The following APBA2 variants were observed in gnomAD, a reference collection of about 807,000 sequenced individuals.
The protein encoded by APBA2 is amyloid beta precursor protein binding family A member 2, also known as amyloid-beta A4 precursor protein-binding family A member 2.
A neutral mutation model predicts 75.0 loss-of-function variants in APBA2; 30 were observed. That is an observed-to-expected ratio of 0.40 (90% CI 0.30 to 0.54). The LOEUF (loss-of-function observed/expected upper bound fraction) is 0.54, where lower values mean the gene tolerates loss of function less well. Ranked by LOEUF, APBA2 falls within the 20% of genes least tolerant of loss-of-function variation. The pLI, the probability that APBA2 is intolerant of heterozygous loss-of-function variation, is 0.49. For missense variants in APBA2, 801 were observed against 1,016.1 expected, an observed-to-expected ratio of 0.79 and a Z score of 2.88; for synonymous variants, 444 against 409.6, an observed-to-expected ratio of 1.08 and a Z score of -1.01.
chr15:29,086,333 A>AC (rs1220336820), intron 6 of APBA2, among the ~76,000 whole-genome samples: 1 of 152,150 alleles, frequency 6.6e-6, no homozygotes, highest in Non-Finnish European at 1.5e-5. Context: ...GCTAAGCCAC[A>AC]CCCAGATTCC....
intron 13 of APBA2, among the ~76,000 whole-genome samples, chr15:29,110,785 C>A (rs183796504): frequency 8.3e-4 from 127 of 152,312 alleles, no homozygotes; most frequent in Admixed American, 8.3e-3. Flanking sequence ...AAGGAGGGGA[C>A]AGCCTGGAGC....
chr15:28,897,029 C>A (rs1446118109), intron 1 of APBA2, among the ~76,000 whole-genome samples: 1 of 152,134 alleles, frequency 6.6e-6, no homozygotes, highest in Non-Finnish European at 1.5e-5. Flanking sequence ...CACAACTGGA[C>A]CTCACATCTC....
At chr15:29,080,593 C>T (rs1336519732) in intron 6 of APBA2, among the ~76,000 whole-genome samples, 4 of 152,118 alleles carry the variant, frequency 2.6e-5, no homozygotes, top group African/African-American at 9.7e-5. Flanking sequence ...GTGCGGATTG[C>T]ACAGAGGATG....
chr15:29,056,586 C>CTCCT (rs1158339721), intron 4 of APBA2, among the ~76,000 whole-genome samples: 4 of 850 alleles, frequency 4.7e-3, no homozygotes, highest in African/African-American at 0.017. Context: ...TCCTCCCTCC[C>CTCCT]TCCCTCCCTC....
chr15:28,897,571 T>C lies in APBA2; in HGVS notation c.-205+11293T>C, dbSNP rs562256645. The stretch of plus-strand genomic sequence containing the variant: ...AGGTGGAGGTTGCAGTGAGCCGAGA[T>C]TGCACCACTGCACTCCAGCCTGGGC... On this transcript the variant is annotated intron_variant, in intron 1 of 14. Coordinates refer to ENST00000683413, the MANE Select transcript of APBA2 (RefSeq NM_001353788.2). Among the ~76,000 whole-genome samples, 14 of 135,338 alleles carry C rather than the reference T, an allele frequency of 1.0e-4. No individual in the cohort carries two copies. The East Asian group carries it at 2.7e-3, about 26-fold the overall frequency. The allele number at this position is 135,338 out of a possible 152,430, so 88.8% of individuals were successfully genotyped here.
chr15:29,108,348 G>A lies in APBA2; in HGVS notation c.1996G>A (p.Asp666Asn). 2 of 1,614,098 alleles carry A rather than the reference G, an allele frequency of 1.2e-6. No homozygotes were observed. Among genetic ancestry groups the A allele is most frequent in the Non-Finnish European group, 1.7e-6 (2 of 1,180,028 alleles). ...CACCACGGTCCTTATCAAGCGGCCA[G>A]ACCTCAAGTACCAGCTGGGCTTCAG... is the stretch of plus-strand genomic sequence containing the variant. ...PVTTVLIKRP[D>N]LKYQLGFSVQ... Residue 666 changes from aspartate to asparagine, a missense_variant, in exon 13 of 15, where the codon GAC (aspartate) becomes AAC (asparagine). Physicochemically the swap from Asp to Asn is conservative, Grantham distance 23. Around this residue, in one of 2 missense-constraint regions of APBA2, gnomAD observed 367 missense variants for 544.5 expected, o/e 0.67. Coordinates refer to ENST00000683413, the MANE Select transcript of APBA2 (RefSeq NM_001353788.2).
At chr15:29,060,449 T>A (rs1217021704) in intron 4 of APBA2, among the ~76,000 whole-genome samples, 1 of 152,164 alleles carries the variant, frequency 6.6e-6, no homozygotes, top group Non-Finnish European at 1.5e-5. Flanking sequence ...AGCGTCCAGT[T>A]CTGTTCAGTC....
chr15:29,027,350 A>C (rs1302797474), intron 3 of APBA2, among the ~76,000 whole-genome samples: 2 of 152,158 alleles, frequency 1.3e-5, no homozygotes, highest in African/African-American at 2.4e-5. Context: ...TATTGAGCCA[A>C]TTGTGGTAAT....
At chr15:29,005,431 T>G (rs1024625005) in intron 3 of APBA2, among the ~76,000 whole-genome samples, 5 of 152,126 alleles carry the variant, frequency 3.3e-5, no homozygotes, top group Non-Finnish European at 5.9e-5. Flanking sequence ...CAGCTAATTT[T>G]TAAATTTTTA....
At chr15:29,057,838 C>T (rs780742692) in intron 4 of APBA2, among the ~76,000 whole-genome samples, 4 of 152,170 alleles carry the variant, frequency 2.6e-5, no homozygotes, top group Non-Finnish European at 4.4e-5. Context: ...GGTTTATTAC[C>T]TGAGGATAAA....
At chr15:28,990,629 C>A (rs1048194487) in intron 2 of APBA2, 2 of 152,238 alleles carry the variant, frequency 1.3e-5, no homozygotes, top group African/African-American at 4.8e-5. Flanking sequence ...GCACTCCCAA[C>A]TCTGCCTTTG....
chr15:29,086,476 A>G (rs59480048), intron 6 of APBA2, among the ~76,000 whole-genome samples: 7,408 of 152,308 alleles, frequency 0.049, 410 homozygotes, highest in African/African-American at 0.14. Context: ...ATGATTCCTA[A>G]TGATACTTTG....
chr15:28,890,751 C>T (rs1177838214), intron 1 of APBA2, among the ~76,000 whole-genome samples: 3 of 152,216 alleles, frequency 2.0e-5, no homozygotes, highest in Admixed American at 6.5e-5. Flanking sequence ...GGCCTCTTGC[C>T]TGCGGTTGTT....
At chr15:29,107,090 C>T (rs780981848) in intron 12 of APBA2, among the ~76,000 whole-genome samples, 19 of 152,162 alleles carry the variant, frequency 1.2e-4, no homozygotes, top group Admixed American at 2.0e-4. Flanking sequence ...TGGCCCTGGG[C>T]AAGGGCCCAA....
At chr15:29,069,085 G>T (rs1595886264) in intron 4 of APBA2, among the ~76,000 whole-genome samples, 1 of 152,234 alleles carries the variant, frequency 6.6e-6, no homozygotes, top group Non-Finnish European at 1.5e-5. Context: ...GTCTATTCCG[G>T]ATATTCCATA....
At chr15:28,939,465 C>T (rs2035063782) in intron 2 of APBA2, among the ~76,000 whole-genome samples, 1 of 152,204 alleles carries the variant, frequency 6.6e-6, no homozygotes. Flanking sequence ...ATTTACATTT[C>T]TATTATGCCA....
chr15:29,108,599 G>A (rs1015773213), intron 13 of APBA2: 11 of 726,746 alleles, frequency 1.5e-5, no homozygotes, highest in Admixed American at 5.3e-5. Flanking sequence ...GGGCATGGCC[G>A]TGGATTGGGC....
At chr15:28,987,726 A>AT (rs2037996478) in intron 2 of APBA2, among the ~76,000 whole-genome samples, 1 of 123,448 alleles carries the variant, frequency 8.1e-6, no homozygotes, top group Non-Finnish European at 1.6e-5. Context: ...ATATGTGGAG[A>AT]GAGATATATA....
intron 3 of APBA2, among the ~76,000 whole-genome samples, chr15:29,029,987 G>A (rs2040405544): frequency 6.6e-6 from 1 of 152,206 alleles, no homozygotes. Context: ...GGAGTCCAGA[G>A]GTGGCTGGCC....
Sources: allele counts gnomAD v4.1 joint callset (sites outside exome capture counted in the v4.1 genomes callset), GRCh38; gene constraint gnomAD v4.1.1; regional missense constraint gnomAD v4.1.1; transcripts MANE v1.5; gene names NCBI Gene and HGNC (gene_info 2026-07-23, HGNC 2026-07-21).